The following RIMS1 variants were observed in gnomAD, a reference collection of about 807,000 sequenced individuals.
The protein encoded by RIMS1 is regulating synaptic membrane exocytosis protein 1.
In RIMS1, 83 loss-of-function variants were observed where a neutral mutation model predicts 214.1. The ratio of observed to expected loss-of-function variants is 0.39; its 90% CI spans 0.32 to 0.47. The LOEUF is 0.47. Among genes scored for constraint, RIMS1 ranks in the 20% least tolerant of loss-of-function variants. The pLI is 0.99. For missense variants in RIMS1, 2,050 were observed against 2,161.8 expected, an observed-to-expected ratio of 0.95 and a Z score of 1.03; for synonymous variants, 793 against 786.8, an observed-to-expected ratio of 1.01 and a Z score of -0.13.
rs1217136359 is a variant in RIMS1, at chr6:72,401,490, T to C, written c.*776T>C. 6.6e-6 allele frequency: 1 copy of C among 152,650 alleles called. No individual in the cohort carries two copies. The highest frequency in any genetic ancestry group is 2.4e-5 in the African/African-American group (1 of 41,466). 9.5% of individuals were successfully genotyped at this position (152,650 alleles called of 1,614,324 possible). ...AAGTACTTTTTTAATGAAGAGCCTA[T>C]CTGTTTGCATTCTAGAAAATTAATT... On this transcript the variant is annotated 3_prime_UTR_variant, in exon 34 of 34. Coordinates refer to ENST00000521978, the MANE Select transcript of RIMS1 (RefSeq NM_014989.7).
At chr6:72,048,692 T>C (rs1456033914) in intron 2 of RIMS1, among the ~76,000 whole-genome samples, 1 of 152,172 alleles carries the variant, frequency 6.6e-6, no homozygotes, top group African/African-American at 2.4e-5. Flanking sequence ...TGAAAAACGG[T>C]ATCCTCCTAT....
chr6:71,968,817 C>G (rs752468443), intron 1 of RIMS1, among the ~76,000 whole-genome samples, 166 bp from the exon 2 acceptor site: 1 of 152,186 alleles, frequency 6.6e-6, no homozygotes, highest in Non-Finnish European at 1.5e-5. Context: ...AAGCCTGAGT[C>G]AAAGGTTTCC....
At chr6:72,262,146 C>G in intron 19 of RIMS1, 1 of 981,658 alleles carries the variant, frequency 1.0e-6, no homozygotes, top group Non-Finnish European at 1.2e-6. Flanking sequence ...CTAGGATACT[C>G]ACACCAGTGG....
At position 72,082,368 on chromosome 6, in the gene RIMS1, T is replaced by C. The variant is rs973587614; in HGVS notation, c.246-14581T>C. On this transcript the variant is annotated intron_variant, in intron 2 of 33. Coordinates refer to ENST00000521978, the MANE Select transcript of RIMS1 (RefSeq NM_014989.7). The stretch of plus-strand genomic sequence containing the variant: ...TACTATTGTCTCACACCTCCCTAAG[T>C]GCTTTGCATATACATATTAGCCATT... Among the ~76,000 whole-genome samples the C allele has an allele frequency of 4.6e-5, 7 of 152,322 alleles. No individual in the cohort carries two copies. The East Asian group carries it at 1.3e-3, about 29-fold the overall frequency.
At chr6:72,105,680 A>T (rs750157948) in intron 4 of RIMS1, among the ~76,000 whole-genome samples, 1 of 152,218 alleles carries the variant, frequency 6.6e-6, no homozygotes, top group South Asian at 2.1e-4. Flanking sequence ...CTATATGCAT[A>T]TGTATACGTA....
intron 2 of RIMS1, among the ~76,000 whole-genome samples, chr6:72,060,513 C>T (rs1456821592): frequency 6.6e-6 from 1 of 152,196 alleles, no homozygotes; most frequent in Non-Finnish European, 1.5e-5. Context: ...ATTTTCTGCT[C>T]TCCACCACTG....
intron 29 of RIMS1, among the ~76,000 whole-genome samples, chr6:72,389,005 G>A (rs904470192): frequency 6.6e-6 from 1 of 152,140 alleles, no homozygotes; most frequent in African/African-American, 2.4e-5. Context: ...GGGCATAGGT[G>A]GCTTTGTTAG....
At position 72,041,200 on chromosome 6, in the gene RIMS1, C is replaced by T. The variant is rs375073349; in HGVS notation, c.246-55749C>T. 4.0e-5 allele frequency among the ~76,000 whole-genome samples: 6 copies of T among 151,832 alleles called. No homozygotes were observed. The East Asian group carries it at 9.6e-4, about 24-fold the overall frequency. On this transcript the variant is annotated intron_variant, in intron 2 of 33. Transcript: ENST00000521978. ...CTGAAGTTCTTTCTGTCTATCTGTC[C>T]ATCTGATTGGAATCACACTTATTGA...
chr6:72,262,043 G>A, intron 19 of RIMS1: 1 of 984,594 alleles, frequency 1.0e-6, no homozygotes, highest in Non-Finnish European at 1.2e-6. Flanking sequence ...AGCTTCAAAA[G>A]AAATAAAAAA....
chr6:72,055,079 C>T (rs1177699667), intron 2 of RIMS1, among the ~76,000 whole-genome samples: 1 of 152,030 alleles, frequency 6.6e-6, no homozygotes, highest in African/African-American at 2.4e-5. Flanking sequence ...AGTCTTTAAT[C>T]CATCTTGAGT....
chr6:72,118,366 C>A (rs565001726), intron 4 of RIMS1, among the ~76,000 whole-genome samples: 4 of 151,156 alleles, frequency 2.6e-5, no homozygotes, highest in African/African-American at 9.7e-5. Context: ...AGTCCAGGGC[C>A]AGATGGAATC....
chr6:71,898,122 A>C (rs1477676605), intron 1 of RIMS1, among the ~76,000 whole-genome samples: 2 of 152,184 alleles, frequency 1.3e-5, no homozygotes, highest in Non-Finnish European at 2.9e-5. Context: ...GAAAGACAGC[A>C]TTCTTAAAGT....
intron 4 of RIMS1, among the ~76,000 whole-genome samples, chr6:72,112,013 A>C (rs1290592911): frequency 6.6e-6 from 1 of 152,180 alleles, no homozygotes; most frequent in African/African-American, 2.4e-5. Context: ...ATGTTTAATA[A>C]GCATCTCAAA....
chr6:72,381,488 C>T (rs1328025920), intron 29 of RIMS1, among the ~76,000 whole-genome samples: 1 of 152,236 alleles, frequency 6.6e-6, no homozygotes, highest in African/African-American at 2.4e-5. Flanking sequence ...ATGTTTCCCG[C>T]TCTCTTATCT....
chr6:71,974,378 G>A, intron 2 of RIMS1, among the ~76,000 whole-genome samples: 1 of 152,100 alleles, frequency 6.6e-6, no homozygotes, highest in Non-Finnish European at 1.5e-5. Context: ...AGAAGAATAG[G>A]ACAGTTATCT....
chr6:72,323,017 T>C (rs1246796906), intron 28 of RIMS1, among the ~76,000 whole-genome samples: 1 of 152,052 alleles, frequency 6.6e-6, no homozygotes, highest in Non-Finnish European at 1.5e-5. Flanking sequence ...GGGAGATGGA[T>C]TGGACTTCAA....
chr6:72,126,546 A>G (rs1270361596), intron 4 of RIMS1, among the ~76,000 whole-genome samples: 1 of 152,070 alleles, frequency 6.6e-6, no homozygotes, highest in African/African-American at 2.4e-5. Context: ...AATATCCTAA[A>G]TCTACAAGGA....
chr6:72,034,995 A>T (rs1819212825), intron 2 of RIMS1, among the ~76,000 whole-genome samples: 1 of 152,152 alleles, frequency 6.6e-6, no homozygotes, highest in African/African-American at 2.4e-5. Context: ...ACTATATTCA[A>T]CTAGTTATCC....
At chr6:71,948,520 C>T (rs1015793082) in intron 1 of RIMS1, among the ~76,000 whole-genome samples, 4 of 152,210 alleles carry the variant, frequency 2.6e-5, no homozygotes, top group African/African-American at 9.6e-5. Context: ...GCCTACCTGA[C>T]ATGGCACATG....
Sources: gnomAD v4.1 joint callset for allele counts (sites outside exome capture counted in the v4.1 genomes callset) on GRCh38, gnomAD v4.1.1 for gene constraint, MANE v1.5 for transcripts, NCBI Gene and HGNC (gene_info 2026-07-23, HGNC 2026-07-21) for gene names.